The following NTM variants were observed in gnomAD, a reference collection of about 807,000 sequenced individuals.
The protein encoded by NTM is IgLON family member 2.
NTM carries 13 observed loss-of-function variants against 42.1 expected under a neutral mutation model. The ratio of observed to expected loss-of-function variants is 0.31; its 90% CI spans 0.20 to 0.49. The LOEUF (loss-of-function observed/expected upper bound fraction) is 0.49. Among genes scored for constraint, NTM ranks in the 20% least tolerant of loss-of-function variants. The pLI, the probability that NTM is intolerant of heterozygous loss-of-function variation, is 0.99. For synonymous variants in NTM, 187 were observed against 179.2 expected (o/e 1.04, Z -0.35); for missense variants, 373 against 452.8 (o/e 0.82, Z 1.60).
intron 1 of NTM, among the ~76,000 whole-genome samples, chr11:131,619,116 G>A (rs1254164969): frequency 1.3e-5 from 2 of 152,206 alleles, no homozygotes; most frequent in Admixed American, 6.5e-5. Flanking sequence ...TTTCTGAGAT[G>A]CAGTAGCACT....
chr11:131,640,243 T>G (rs1467593795), intron 1 of NTM, among the ~76,000 whole-genome samples: 1 of 152,202 alleles, frequency 6.6e-6, no homozygotes, highest in Non-Finnish European at 1.5e-5. Context: ...AAACAGTACT[T>G]CCTGATGCTG....
intron 1 of NTM, among the ~76,000 whole-genome samples, chr11:131,466,878 C>T (rs114228450): frequency 2.2e-3 from 337 of 152,268 alleles, no homozygotes; most frequent in African/African-American, 7.7e-3. Context: ...ATTCCTCACT[C>T]GGTCACACTT....
At chr11:132,212,220 G>A (rs1198720877) in intron 4 of NTM, 73 bp downstream of exon 4, 41 of 1,262,544 alleles carry the variant, frequency 3.2e-5, no homozygotes, top group Non-Finnish European at 9.1e-6. Flanking sequence ...AGGAGGTTAT[G>A]GGTGCTGATA....
intron 1 of NTM, among the ~76,000 whole-genome samples, chr11:131,707,137 G>A (rs2076672388): frequency 6.6e-6 from 1 of 151,796 alleles, no homozygotes; most frequent in Non-Finnish European, 1.5e-5. Flanking sequence ...GAATACTTTG[G>A]CCAGCATCTC....
chr11:131,947,009 T>C (rs1215760932), intron 2 of NTM, among the ~76,000 whole-genome samples: 1 of 152,140 alleles, frequency 6.6e-6, no homozygotes, highest in Non-Finnish European at 1.5e-5. Flanking sequence ...TTACCTAATA[T>C]AAAGGTTATT....
At chr11:131,932,065 G>A (rs1592970601) in intron 2 of NTM, among the ~76,000 whole-genome samples, 1 of 152,198 alleles carries the variant, frequency 6.6e-6, no homozygotes, top group Non-Finnish European at 1.5e-5. Context: ...GGATGGCAAC[G>A]TCAGGTTCAA....
intron 1 of NTM, chr11:131,536,534 A>G (rs1378849836): frequency 6.6e-6 from 1 of 152,198 alleles, no homozygotes; most frequent in African/African-American, 2.4e-5. Flanking sequence ...TACAGAAAAG[A>G]TGAAAGATTT....
intron 2 of NTM, among the ~76,000 whole-genome samples, chr11:131,913,925 C>T (rs775857881): frequency 3.3e-5 from 5 of 152,138 alleles, no homozygotes; most frequent in African/African-American, 4.8e-5. Flanking sequence ...ACAGGCCTGA[C>T]TTAGGATGTG....
At chr11:132,301,849 G>T (rs1294269611) in intron 4 of NTM, among the ~76,000 whole-genome samples, 1 of 152,098 alleles carries the variant, frequency 6.6e-6, no homozygotes, top group African/African-American at 2.4e-5. Flanking sequence ...TATCTCAGCT[G>T]GTATATATGC....
chr11:132,289,451 T>A (rs904027396), intron 4 of NTM, among the ~76,000 whole-genome samples: 8 of 152,156 alleles, frequency 5.3e-5, no homozygotes, highest in Admixed American at 4.6e-4. Flanking sequence ...ACCTGATTCC[T>A]TTCTTGAGCT....
intron 1 of NTM, among the ~76,000 whole-genome samples, chr11:131,840,130 C>T (rs936939917): frequency 4.6e-5 from 7 of 152,160 alleles, no homozygotes; most frequent in African/African-American, 1.7e-4. Flanking sequence ...ATATACACTC[C>T]TGTGACTCAG....
intron 1 of NTM, among the ~76,000 whole-genome samples, chr11:131,480,919 G>T (rs1483466420): frequency 6.6e-6 from 1 of 152,112 alleles, no homozygotes; most frequent in Non-Finnish European, 1.5e-5. Context: ...TGTGGCCTTT[G>T]AAAATTGAGG....
At chr11:131,779,362 A>G (rs1336751756) in intron 1 of NTM, among the ~76,000 whole-genome samples, 2 of 152,206 alleles carry the variant, frequency 1.3e-5, no homozygotes, top group Non-Finnish European at 2.9e-5. Context: ...ATAATTCATT[A>G]TGCAGCTGTA....
intron 1 of NTM, among the ~76,000 whole-genome samples, chr11:131,373,610 C>T (rs1463951022): frequency 6.6e-6 from 1 of 151,772 alleles, no homozygotes; most frequent in African/African-American, 2.4e-5. Context: ...CGGGAGCAGA[C>T]GCTACAGAAC....
chr11:131,438,625 G>A (rs1949344881), intron 1 of NTM, among the ~76,000 whole-genome samples: 1 of 152,168 alleles, frequency 6.6e-6, no homozygotes, highest in South Asian at 2.1e-4. Context: ...ATGGTTTTCA[G>A]CTCCGTTGGG....
intron 1 of NTM, among the ~76,000 whole-genome samples, chr11:131,738,368 C>T (rs558096019): frequency 1.6e-4 from 24 of 152,344 alleles, no homozygotes; most frequent in Admixed American, 1.0e-3. Flanking sequence ...AAGGGTCTCA[C>T]ACATTTCCCA....
At chr11:131,566,096 T>C (rs1213962413) in intron 1 of NTM, among the ~76,000 whole-genome samples, 12 of 152,206 alleles carry the variant, frequency 7.9e-5, no homozygotes, top group Non-Finnish European at 1.8e-4. Flanking sequence ...CTTGTGCTCT[T>C]AACGTCTCTC....
intron 1 of NTM, among the ~76,000 whole-genome samples, chr11:131,893,033 G>A (rs2051628816): frequency 1.3e-5 from 2 of 152,206 alleles, no homozygotes; most frequent in South Asian, 2.1e-4. Context: ...TACCTTGTCT[G>A]GAAGGGCAGA....
chr11:131,760,283 G>A (rs2083944522), intron 1 of NTM, among the ~76,000 whole-genome samples: 1 of 152,158 alleles, frequency 6.6e-6, no homozygotes, highest in Non-Finnish European at 1.5e-5. Context: ...GGTCACTTCG[G>A]ATGGAAGCAG....
Sources: allele counts gnomAD v4.1 joint callset (sites outside exome capture counted in the v4.1 genomes callset), GRCh38; gene constraint gnomAD v4.1.1; transcripts MANE v1.5; gene names NCBI Gene and HGNC (gene_info 2026-07-23, HGNC 2026-07-21).